FHIT: variants seen among roughly 807,000 people sequenced by gnomAD.
The protein encoded by FHIT is fragile histidine triad diadenosine triphosphatase, also known as bis(5'-adenosyl)-triphosphatase.
Under a neutral mutation model 17.9 loss-of-function variants are expected in FHIT, and 19 were observed. That is an observed-to-expected ratio of 1.06 (90% CI 0.74 to 1.56). The LOEUF (loss-of-function observed/expected upper bound fraction) is 1.56. FHIT is among the 40% of genes most tolerant of loss of function. FHIT has a pLI of 0.00. For synonymous variants in FHIT, 81 were observed against 69.7 expected, an observed-to-expected ratio of 1.16 and a Z score of -0.81; for missense variants, 248 against 189.2, an observed-to-expected ratio of 1.31 and a Z score of -1.82.
chr3:60,093,232 G>C (rs1559625152), intron 5 of FHIT, among the ~76,000 whole-genome samples: 1 of 152,122 alleles, frequency 6.6e-6, no homozygotes, highest in African/African-American at 2.4e-5. Flanking sequence ...GCGCAGAGGT[G>C]ACTTCCTTTC....
rs145162245 is a variant in FHIT at position 60,045,363 on chromosome 3, A to C, written c.104-31211T>G. Reference sequence around the variant, plus strand: ...TCATGGCAGAAGACAAGGAGGAGCAAGTCACTTCTTACATGGATGGCAGCA... The same window carrying C: ...TCATGGCAGAAGACAAGGAGGAGCACGTCACTTCTTACATGGATGGCAGCA... On this transcript the variant is annotated intron_variant, in intron 5 of 9. Coordinates refer to ENST00000492590, the MANE Select transcript of FHIT (RefSeq NM_002012.4). 2.9e-3 allele frequency among the ~76,000 whole-genome samples: 448 copies of C among 152,198 alleles called. 4 individuals carry two copies. Among genetic ancestry groups the C allele is most frequent in the Admixed American group, 6.5e-3 (100 of 15,290 alleles).
intron 4 of FHIT, among the ~76,000 whole-genome samples, chr3:60,574,825 C>T (rs1351882166): frequency 1.3e-5 from 2 of 151,910 alleles, no homozygotes; most frequent in Admixed American, 1.3e-4. Context: ...CAGACGATCC[C>T]AGCCTTCCCA....
chr3:60,475,121 C>T (rs538115689), intron 5 of FHIT, among the ~76,000 whole-genome samples: 1 of 152,318 alleles, frequency 6.6e-6, no homozygotes, highest in South Asian at 2.1e-4. Context: ...AGAATTACTA[C>T]TAGTTGCTGT....
intron 5 of FHIT, among the ~76,000 whole-genome samples, chr3:60,104,490 T>TTC (rs1704325200): frequency 6.6e-6 from 1 of 151,500 alleles, no homozygotes; most frequent in Non-Finnish European, 1.5e-5. Flanking sequence ...AACTTTTTTT[T>TTC]TTTTTTACAA....
At chr3:59,953,070 G>A (rs1707202883) in intron 7 of FHIT, among the ~76,000 whole-genome samples, 1 of 151,956 alleles carries the variant, frequency 6.6e-6, no homozygotes, top group South Asian at 2.1e-4. Context: ...CGGTCCCCTA[G>A]CGTATGTTGT....
chr3:60,450,192 C>T (rs1302093499), intron 5 of FHIT, among the ~76,000 whole-genome samples: 1 of 137,746 alleles, frequency 7.3e-6, no homozygotes, highest in Non-Finnish European at 1.5e-5. Flanking sequence ...GCACTGTACC[C>T]TTAAGGTTAC....
At chr3:61,209,383 G>T (rs2039374676) in intron 1 of FHIT, among the ~76,000 whole-genome samples, 1 of 152,170 alleles carries the variant, frequency 6.6e-6, no homozygotes, top group Non-Finnish European at 1.5e-5. Context: ...GATTGGGGAA[G>T]TTCTCCTGAA....
At chr3:60,308,483 T>A (rs1708783798) in intron 5 of FHIT, among the ~76,000 whole-genome samples, 1 of 93,518 alleles carries the variant, frequency 1.1e-5, no homozygotes, top group Non-Finnish European at 2.1e-5. Flanking sequence ...TAGGTATAGG[T>A]ATAGGTGTAT....
intron 7 of FHIT, among the ~76,000 whole-genome samples, chr3:60,009,718 C>T (rs1001477928): frequency 8.5e-5 from 13 of 152,136 alleles, no homozygotes; most frequent in Non-Finnish European, 1.3e-4. Context: ...CACAATGTTG[C>T]ACAACCATCA....
chr3:60,164,122 TA>T (rs746985966), intron 5 of FHIT, among the ~76,000 whole-genome samples: 99 of 152,298 alleles, frequency 6.5e-4, no homozygotes, highest in Middle Eastern at 6.8e-3. Flanking sequence ...AGTAGGTAGC[TA>T]GTGGAAGACT....
rs112927524 is a variant in FHIT, at chr3:61,122,079, G to C, written c.-164+78538C>G. Among the ~76,000 whole-genome samples the C allele has an allele frequency of 6.3e-3, 955 of 152,278 alleles. 11 individuals carry two copies. Among genetic ancestry groups the C allele is most frequent in the African/African-American group, 0.022 (916 of 41,558 alleles). ...CTAAGCCAAAAGAACAAAGCTGGAG[G>C]CATCACGCTACCTGACTTCAAACTA... On this transcript the variant is annotated intron_variant, in intron 2 of 9. Transcript: ENST00000492590.
intron 3 of FHIT, among the ~76,000 whole-genome samples, chr3:60,839,884 G>C (rs1228065623): frequency 1.3e-5 from 2 of 152,094 alleles, no homozygotes; most frequent in Non-Finnish European, 2.9e-5. Context: ...AGAATAAAAA[G>C]TGTCTATGTG....
intron 5 of FHIT, among the ~76,000 whole-genome samples, chr3:60,474,626 A>ATT (rs111518978): frequency 1.4e-4 from 20 of 145,688 alleles, no homozygotes; most frequent in African/African-American, 3.7e-4. Flanking sequence ...ACACAATACA[A>ATT]TTTTTTTTTT....
At chr3:60,157,576 T>C (rs912628561) in intron 5 of FHIT, among the ~76,000 whole-genome samples, 8 of 152,110 alleles carry the variant, frequency 5.3e-5, no homozygotes, top group African/African-American at 1.2e-4. Flanking sequence ...AGGTGAAAGC[T>C]CTGAGGAAAA....
At chr3:61,070,510 G>T (rs1190648874) in intron 2 of FHIT, among the ~76,000 whole-genome samples, 1 of 152,142 alleles carries the variant, frequency 6.6e-6, no homozygotes, top group Non-Finnish European at 1.5e-5. Context: ...TGCAGATCTT[G>T]GCTGCTTCTA....
At chr3:60,072,139 G>A (rs1559605403) in intron 5 of FHIT, among the ~76,000 whole-genome samples, 1 of 152,228 alleles carries the variant, frequency 6.6e-6, no homozygotes, top group South Asian at 2.1e-4. Context: ...GAGAAACCAA[G>A]AGTGTTACCA....
intron 5 of FHIT, among the ~76,000 whole-genome samples, chr3:60,433,106 C>G (rs1215817023): frequency 2.6e-5 from 4 of 152,034 alleles, no homozygotes; most frequent in Non-Finnish European, 5.9e-5. Flanking sequence ...ATCACTATCC[C>G]CTGGTAATGA....
intron 7 of FHIT, among the ~76,000 whole-genome samples, chr3:59,955,070 C>A (rs1707324834): frequency 6.6e-6 from 1 of 152,208 alleles, no homozygotes. Flanking sequence ...GTTCCCATTA[C>A]TGAGTCTCAG....
intron 3 of FHIT, among the ~76,000 whole-genome samples, chr3:60,863,270 C>A (rs1553753107): frequency 1.3e-5 from 2 of 152,158 alleles, no homozygotes; most frequent in African/African-American, 4.8e-5. Flanking sequence ...CACAAAGAAC[C>A]AAATTCTGTC....
Sources: gnomAD v4.1 joint callset for allele counts (sites outside exome capture counted in the v4.1 genomes callset) on GRCh38, gnomAD v4.1.1 for gene constraint, MANE v1.5 for transcripts, NCBI Gene and HGNC (gene_info 2026-07-23, HGNC 2026-07-21) for gene names.